Variants in ATP10D observed in about 807,000 individuals in gnomAD.
ATP10D encodes the protein ATPase phospholipid transporting 10D (putative).
ATP10D carries 89 observed loss-of-function variants against 144.8 expected under a neutral mutation model. The ratio of observed to expected loss-of-function variants is 0.61; its 90% CI spans 0.52 to 0.73. ATP10D has a LOEUF of 0.73. Among genes scored for constraint, ATP10D ranks in the 30% least tolerant of loss-of-function variants. The probability of loss-of-function intolerance (pLI) is 0.00; values close to 1 mark genes in which losing one functional copy is unlikely to be tolerated. For missense variants in ATP10D, 1,603 were observed against 1,714.8 expected, an observed-to-expected ratio of 0.93 and a Z score of 1.15; for synonymous variants, 571 against 615.1, an observed-to-expected ratio of 0.93 and a Z score of 1.06.
chr4:47,561,075 G>T lies in ATP10D; in HGVS notation c.2668G>T (p.Gly890Cys). 1.2e-6 allele frequency: 2 copies of T among 1,614,058 alleles called. No individual in the cohort carries two copies. The highest frequency in any genetic ancestry group is 4.5e-5 in the East Asian group (2 of 44,880). Reference sequence around the variant, plus strand: ...GTTGGAGAACAAACTTACATTACTTGGTAGGTGAATTATGTTTGTATTGCC... The same window carrying T: ...GTTGGAGAACAAACTTACATTACTTTGTAGGTGAATTATGTTTGTATTGCC... ...MRLENKLTLL[G>C]ATGIEDRLQE... Residue 890 changes from glycine to cysteine, a missense_variant and splice_region_variant, in exon 14 of 23, where the codon GGT becomes TGT. Physicochemically the swap from Gly to Cys is radical, Grantham distance 159. Coordinates refer to ENST00000273859, the MANE Select transcript of ATP10D (RefSeq NM_020453.4).
chr4:47,591,923 G>A lies in ATP10D; in HGVS notation c.*542G>A, dbSNP rs1251814665. 2 of 152,110 alleles carry A rather than the reference G, an allele frequency of 1.3e-5. No homozygotes were observed. Among genetic ancestry groups the A allele is most frequent in the African/African-American group, 4.8e-5 (2 of 41,434 alleles). 9.4% of individuals were successfully genotyped at this position (152,110 alleles called of 1,614,324 possible). On this transcript the variant is annotated 3_prime_UTR_variant, in exon 23 of 23. Coordinates refer to ENST00000273859, the MANE Select transcript of ATP10D (RefSeq NM_020453.4). The stretch of plus-strand genomic sequence containing the variant: ...GTATAATTATACTGCTTAAAATACA[G>A]TTAGTGCCTATTAATAGCTTTTTAT...
chr4:47,569,827 G>T (rs1719858441), intron 16 of ATP10D, among the ~76,000 whole-genome samples: 1 of 152,092 alleles, frequency 6.6e-6, no homozygotes, highest in African/African-American at 2.4e-5. Context: ...ATCATAAAGG[G>T]GCCATGGGAG....
chr4:47,563,603 T>A lies in ATP10D; in HGVS notation c.2691T>A (p.Arg897=), dbSNP rs907609869. The A allele has an allele frequency of 1.2e-6, 2 of 1,608,450 alleles. No individual in the cohort carries two copies. Among genetic ancestry groups the A allele is most frequent in the African/African-American group, 2.7e-5 (2 of 74,426 alleles). The change falls in exon 15 of 23, where the codon CGT becomes CGA. Residue 897 remains arginine, a synonymous_variant. Coordinates refer to ENST00000273859, the MANE Select transcript of ATP10D (RefSeq NM_020453.4). ...TAGGTGCTACTGGCATTGAAGACCGTCTGCAGGAGGGAGTCCCTGAATCTA... is the reference window on the plus strand; with the variant it reads ...TAGGTGCTACTGGCATTGAAGACCGACTGCAGGAGGGAGTCCCTGAATCTA... The part of the protein sequence containing the change: ...TLLGATGIED[R]LQEGVPESIE...
Position 47,546,566 on chromosome 4 carries a change from A to G in ATP10D, c.1397-58A>G, listed in dbSNP as rs1255452401. ...AGCTGCTTAAGTAACTGCCTGATAT[A>G]TTCAACTTACAAGTGGCTCTTCTCA... is the stretch of plus-strand genomic sequence containing the variant. On this transcript the variant is annotated intron_variant, in intron 9 of 22. Transcript: ENST00000273859. 8.5e-5 allele frequency: 126 copies of G among 1,474,278 alleles called. No individual in the cohort carries two copies. In the South Asian group the frequency reaches 1.3e-3, roughly 16 times the overall value. The allele number at this position is 1,474,278 out of a possible 1,614,324, so 91.3% of individuals were successfully genotyped here.
At chr4:47,505,355 G>A (rs1334849016) in intron 1 of ATP10D, among the ~76,000 whole-genome samples, 1 of 152,210 alleles carries the variant, frequency 6.6e-6, no homozygotes, top group East Asian at 1.9e-4. Flanking sequence ...AGCAGCATCA[G>A]TACTATCTGC....
chr4:47,535,327 AAAAG>A (rs1717786371), intron 5 of ATP10D, among the ~76,000 whole-genome samples, 178 bp from the exon 6 acceptor site: 1 of 151,770 alleles, frequency 6.6e-6, no homozygotes, highest in Non-Finnish European at 1.5e-5. Flanking sequence ...TAAAAAAAAA[AAAAG>A]AAACAAAAAA....
chr4:47,504,832 T>C (rs1200009096), intron 1 of ATP10D, among the ~76,000 whole-genome samples: 1 of 152,224 alleles, frequency 6.6e-6, no homozygotes, highest in Non-Finnish European at 1.5e-5. Flanking sequence ...TGTGAAACAA[T>C]TCCTATCTTA....
At chr4:47,564,827 A>G (rs1719517554) in intron 15 of ATP10D, among the ~76,000 whole-genome samples, 1 of 152,248 alleles carries the variant, frequency 6.6e-6, no homozygotes, top group Admixed American at 6.5e-5. Context: ...CTTCTTCAGC[A>G]GTCAGACTTA....
At chr4:47,520,724 A>G (rs992704201) in intron 3 of ATP10D, among the ~76,000 whole-genome samples, 11 of 151,982 alleles carry the variant, frequency 7.2e-5, no homozygotes, top group African/African-American at 2.2e-4. Flanking sequence ...ATGCACCATC[A>G]TACCCGGCTA....
chr4:47,496,385 GA>G (rs1715376030), intron 1 of ATP10D, among the ~76,000 whole-genome samples: 1 of 152,050 alleles, frequency 6.6e-6, no homozygotes, highest in African/African-American at 2.4e-5. Context: ...TTGAACTCCT[GA>G]CCTCAGGTGA....
chr4:47,498,028 C>G (rs963435848), intron 1 of ATP10D, among the ~76,000 whole-genome samples: 1 of 152,306 alleles, frequency 6.6e-6, no homozygotes, highest in African/African-American at 2.4e-5. Context: ...TATTATATGT[C>G]AGATGTCTTA....
At chr4:47,558,374 G>A in intron 12 of ATP10D, 101 bp downstream of exon 12, 1 of 1,452,282 alleles carries the variant, frequency 6.9e-7, no homozygotes, top group Non-Finnish European at 9.2e-7. Flanking sequence ...GCTATCTGGG[G>A]ACTAATCACA....
chr4:47,502,245 C>T (rs953512515), intron 1 of ATP10D, among the ~76,000 whole-genome samples: 5 of 152,082 alleles, frequency 3.3e-5, no homozygotes, highest in South Asian at 4.1e-4. Flanking sequence ...GAGGCCGAGG[C>T]GGGCGGATCA....
At chr4:47,589,318 C>T (rs1420109543) in intron 22 of ATP10D, among the ~76,000 whole-genome samples, 6 of 152,218 alleles carry the variant, frequency 3.9e-5, no homozygotes, top group Middle Eastern at 3.4e-3. Context: ...TTTGTAATAA[C>T]GTGGTATAGC....
chr4:47,577,556 C>T (rs898912918), intron 19 of ATP10D, among the ~76,000 whole-genome samples: 2 of 152,138 alleles, frequency 1.3e-5, no homozygotes, highest in Admixed American at 6.5e-5. Flanking sequence ...CAACTTCCAG[C>T]CATAGCAAGC....
At chr4:47,577,554 A>G (rs1720298743) in intron 19 of ATP10D, among the ~76,000 whole-genome samples, 1 of 152,352 alleles carries the variant, frequency 6.6e-6, no homozygotes, top group Non-Finnish European at 1.5e-5. Context: ...TACAACTTCC[A>G]GCCATAGCAA....
At chr4:47,577,068 A>T in intron 19 of ATP10D, 95 bp downstream of exon 19, 1 of 1,056,284 alleles carries the variant, frequency 9.5e-7, no homozygotes, top group South Asian at 1.5e-5. Context: ...TCTACTCAGA[A>T]CTGTTTGAAA....
intron 22 of ATP10D, 133 bp from the exon 23 acceptor site, chr4:47,590,909 C>T: frequency 1.8e-6 from 1 of 552,392 alleles, no homozygotes; most frequent in South Asian, 3.3e-5. Flanking sequence ...AGTTCGGTTA[C>T]CCTCCCCCTT....
chr4:47,547,715 G>C (rs765705089), intron 10 of ATP10D, among the ~76,000 whole-genome samples: 82 of 152,016 alleles, frequency 5.4e-4, no homozygotes, highest in Non-Finnish European at 8.7e-4. Context: ...TTATCATATG[G>C]TTTTCACAGT....
Sources: gnomAD v4.1 joint callset for allele counts (sites outside exome capture counted in the v4.1 genomes callset) on GRCh38, gnomAD v4.1.1 for gene constraint, MANE v1.5 for transcripts, NCBI Gene and HGNC (gene_info 2026-07-23, HGNC 2026-07-21) for gene names.